GALNT13: variants seen among roughly 807,000 people sequenced by gnomAD.
GALNT13 encodes UDP-GalNAc:polypeptide N-acetylgalactosaminyltransferase 13.
GALNT13 carries 28 observed loss-of-function variants against 64.2 expected under a neutral mutation model. The ratio of observed to expected loss-of-function variants is 0.44; its 90% confidence interval spans 0.32 to 0.60. GALNT13 has a LOEUF of 0.60. Among genes scored for constraint, GALNT13 ranks in the 20% least tolerant of loss-of-function variants. The pLI is 0.05. For synonymous variants in GALNT13, 214 were observed against 224.6 expected (o/e 0.95, Z 0.42); for missense variants, 577 against 669.8 (o/e 0.86, Z 1.53).
chr2:153,083,101 A>G, the GALNT13 span, among the ~76,000 whole-genome samples: 4 of 152,104 alleles, frequency 2.6e-5, no homozygotes, highest in Non-Finnish European at 5.9e-5. Context: ...TGCTGGGATT[A>G]TAGGTGTGAG....
At chr2:153,792,999 T>G in the GALNT13 span, among the ~76,000 whole-genome samples, 1 of 142,158 alleles carries the variant, frequency 7.0e-6, no homozygotes, top group African/African-American at 2.6e-5. Flanking sequence ...TGAGATGGAG[T>G]CTCACTCTGT....
chr2:154,423,289 A>T (rs1700334684), intron 11 of GALNT13, among the ~76,000 whole-genome samples: 1 of 152,134 alleles, frequency 6.6e-6, no homozygotes, highest in East Asian at 1.9e-4. Flanking sequence ...TATGTGCCAC[A>T]TTTTCTTAAT....
At chr2:153,963,171 A>G (rs1263878672) in intron 3 of GALNT13, among the ~76,000 whole-genome samples, 3 of 152,200 alleles carry the variant, frequency 2.0e-5, no homozygotes, top group Non-Finnish European at 4.4e-5. Flanking sequence ...ATGTGCCACT[A>G]TAAATCCTAT....
At chr2:153,732,059 AT>A in the GALNT13 span, among the ~76,000 whole-genome samples, 1 of 151,954 alleles carries the variant, frequency 6.6e-6, no homozygotes, top group African/African-American at 2.4e-5. Flanking sequence ...GAATTATCTG[AT>A]ACTCTACAGG....
intron 3 of GALNT13, among the ~76,000 whole-genome samples, chr2:154,058,185 C>A (rs940278955): frequency 1.4e-4 from 21 of 152,110 alleles, no homozygotes; most frequent in Non-Finnish European, 7.4e-5. Flanking sequence ...CATACTCTCT[C>A]TCAACCATGT....
intron 3 of GALNT13, among the ~76,000 whole-genome samples, chr2:153,945,964 A>C (rs191614318): frequency 6.6e-6 from 1 of 152,280 alleles, no homozygotes; most frequent in East Asian, 1.9e-4. Flanking sequence ...GGTAGTTTAC[A>C]TGCATTTTTT....
chr2:153,635,871 G>T, the GALNT13 span, among the ~76,000 whole-genome samples: 1 of 151,978 alleles, frequency 6.6e-6, no homozygotes, highest in Non-Finnish European at 1.5e-5. Context: ...TTTAAGAAAA[G>T]GCTTTTTGAA....
the GALNT13 span, among the ~76,000 whole-genome samples, chr2:153,650,759 C>A: frequency 6.6e-6 from 1 of 151,610 alleles, no homozygotes; most frequent in Non-Finnish European, 1.5e-5. Context: ...GGGTTAATAC[C>A]CAGGCAAACA....
At chr2:154,364,462 G>C (rs1276420857) in intron 9 of GALNT13, among the ~76,000 whole-genome samples, 1 of 85,626 alleles carries the variant, frequency 1.2e-5, no homozygotes, top group Non-Finnish European at 2.8e-5. Flanking sequence ...ACTGAGAAAA[G>C]TGTGATCACG....
At chr2:153,765,800 A>T in the GALNT13 span, among the ~76,000 whole-genome samples, 5 of 152,298 alleles carry the variant, frequency 3.3e-5, no homozygotes, top group Middle Eastern at 3.4e-3. Flanking sequence ...TAATTGAATC[A>T]CAGGGGTGGT....
At chr2:154,403,554 G>A (rs1053599325) in intron 10 of GALNT13, among the ~76,000 whole-genome samples, 10 of 152,072 alleles carry the variant, frequency 6.6e-5, no homozygotes, top group African/African-American at 2.4e-4. Flanking sequence ...CTGATATCCT[G>A]ATTTCCTGAC....
At chr2:154,029,128 C>A (rs1382889006) in intron 3 of GALNT13, among the ~76,000 whole-genome samples, 1 of 150,026 alleles carries the variant, frequency 6.7e-6, no homozygotes, top group Non-Finnish European at 1.5e-5. Flanking sequence ...TCTCCATAGA[C>A]TTCAATGTAT....
intron 8 of GALNT13, among the ~76,000 whole-genome samples, chr2:154,269,906 G>GTGTATATATACATA (rs529424469): frequency 2.1e-5 from 2 of 96,884 alleles, no homozygotes; most frequent in Non-Finnish European, 4.2e-5. Context: ...ATATATATGT[G>GTGTATATATACATA]TATATATATA....
At chr2:154,380,445 A>T (rs949517340) in intron 9 of GALNT13, among the ~76,000 whole-genome samples, 1 of 152,052 alleles carries the variant, frequency 6.6e-6, no homozygotes, top group Non-Finnish European at 1.5e-5. Flanking sequence ...TTATGTGTTA[A>T]TATTTCCAAA....
chr2:153,878,499 G>GAA (rs1686551238), intron 1 of GALNT13, among the ~76,000 whole-genome samples: 1 of 152,150 alleles, frequency 6.6e-6, no homozygotes, highest in African/African-American at 2.4e-5. Flanking sequence ...TTGGACCTAG[G>GAA]AAAGATGCTA....
chr2:153,113,457 T>A, the GALNT13 span, among the ~76,000 whole-genome samples: 1 of 151,882 alleles, frequency 6.6e-6, no homozygotes, highest in African/African-American at 2.4e-5. Flanking sequence ...TAAATAAGAG[T>A]ATCCCTTAAT....
chr2:154,275,663 G>A, intron 8 of GALNT13, among the ~76,000 whole-genome samples: 1 of 152,252 alleles, frequency 6.6e-6, no homozygotes, highest in East Asian at 1.9e-4. Flanking sequence ...AGTGTGGAAT[G>A]GAAATGTGGG....
At chr2:153,575,768 A>C in the GALNT13 span, among the ~76,000 whole-genome samples, 1 of 152,054 alleles carries the variant, frequency 6.6e-6, no homozygotes, top group Non-Finnish European at 1.5e-5. Flanking sequence ...CCTCTGGCCC[A>C]GGGCAGGTCC....
the GALNT13 span, among the ~76,000 whole-genome samples, chr2:153,320,434 G>C: frequency 6.6e-6 from 1 of 152,098 alleles, no homozygotes; most frequent in Non-Finnish European, 1.5e-5. Context: ...TGTGCTTCTA[G>C]AGATATAAAA....
Sources: gnomAD v4.1 joint callset for allele counts (sites outside exome capture counted in the v4.1 genomes callset) on GRCh38, gnomAD v4.1.1 for gene constraint, MANE v1.5 for transcripts, NCBI Gene and HGNC (gene_info 2026-07-23, HGNC 2026-07-21) for gene names.